PIK3C2B: variants seen among roughly 807,000 people sequenced by gnomAD.
The protein encoded by PIK3C2B is phosphatidylinositol 4-phosphate 3-kinase C2 domain-containing subunit beta.
Under a neutral mutation model 184.3 loss-of-function variants are expected in PIK3C2B, and 83 were observed. The ratio of observed to expected loss-of-function variants is 0.45; its 90% CI spans 0.38 to 0.54. The LOEUF (loss-of-function observed/expected upper bound fraction) is 0.54, where lower values mean the gene tolerates loss of function less well. PIK3C2B is among the 20% of genes least tolerant of loss of function. The pLI is 0.00. For synonymous variants in PIK3C2B, 779 were observed against 837.6 expected (o/e 0.93, Z 1.21); for missense variants, 1,736 against 2,113.5 (o/e 0.82, Z 3.50).
At chr1:204,487,456 G>A (rs1657685273) in intron 1 of PIK3C2B, among the ~76,000 whole-genome samples, 1 of 152,156 alleles carries the variant, frequency 6.6e-6, no homozygotes, top group South Asian at 2.1e-4. Context: ...TTAGCACAAT[G>A]TTTTACACGA....
At chr1:204,490,321 C>T (rs1657923243) in intron 1 of PIK3C2B, 1 of 172,936 alleles carries the variant, frequency 5.8e-6, no homozygotes, top group Non-Finnish European at 1.2e-5. Flanking sequence ...CTCTGCTCCC[C>T]AAAGCACAAA....
chr1:204,447,708 C>G lies in PIK3C2B; in HGVS notation c.2347-130G>C. The G allele has an allele frequency of 1.6e-6, 1 of 633,946 alleles. No homozygotes were observed. The highest frequency in any genetic ancestry group is 1.9e-5 in the South Asian group (1 of 51,362). 39.3% of individuals were successfully genotyped at this position (633,946 alleles called of 1,614,324 possible). A position where few individuals can be genotyped will look rare whatever the true frequency, so the allele number is the denominator to read the frequency against. ...TTCCCTCAGGTTCTTTGTAAAATAG[C>G]CCTGTTAGACTTGGTGATCTCTAAA... On this transcript the variant is annotated intron_variant, in intron 14 of 32. Coordinates refer to ENST00000684373, the MANE Select transcript of PIK3C2B (RefSeq NM_001377334.1). The surrounding 1 kb of genome is among the most constrained non-coding windows in gnomAD (Gnocchi z 4.1).
intron 12 of PIK3C2B, 43 bp downstream of exon 12, chr1:204,454,626 G>A (rs758170382): frequency 6.2e-7 from 1 of 1,607,776 alleles, no homozygotes; most frequent in Admixed American, 1.7e-5. Context: ...GGCTGAGCAG[G>A]TCTACAGTGG....
intron 8 of PIK3C2B, among the ~76,000 whole-genome samples, chr1:204,458,918 G>A (rs535056536): frequency 1.1e-4 from 16 of 152,360 alleles, no homozygotes; most frequent in Non-Finnish European, 1.6e-4. Flanking sequence ...ACAGGCTGCT[G>A]GAGAAGGGAT....
intron 9 of PIK3C2B, 127 bp from the exon 10 acceptor site, chr1:204,457,197 T>G: frequency 1.4e-6 from 1 of 731,652 alleles, no homozygotes; most frequent in Non-Finnish European, 2.3e-6. Context: ...TAGCTGAGAA[T>G]CCCCAGAGAG....
In PIK3C2B at chr1:204,463,498, G is replaced by A. The variant is rs80192180; in HGVS notation, c.1310+514C>T. On this transcript the variant is annotated intron_variant, in intron 5 of 32. Transcript: ENST00000684373. The stretch of plus-strand genomic sequence containing the variant: ...CTGGATGGAGAGGAGCTGGAGGCAC[G>A]CCTTTGGGAGGAGGATAACTAGCTG... 2.5e-3 allele frequency among the ~76,000 whole-genome samples: 386 copies of A among 152,238 alleles called. 3 individuals carry two copies. Among genetic ancestry groups the A allele is most frequent in the African/African-American group, 8.9e-3 (371 of 41,534 alleles).
chr1:204,488,277 G>A (rs1312619573), intron 1 of PIK3C2B, among the ~76,000 whole-genome samples: 2 of 152,322 alleles, frequency 1.3e-5, no homozygotes, highest in East Asian at 1.9e-4. Flanking sequence ...AGGCACTGAA[G>A]ATGTTTTTGC....
In PIK3C2B at chr1:204,447,572, A is replaced by G; in HGVS notation, c.2353T>C (p.Phe785Leu). 1 of 1,607,234 alleles carries G rather than the reference A, an allele frequency of 6.2e-7. No individual in the cohort carries two copies. Among genetic ancestry groups the G allele is most frequent in the East Asian group, 2.2e-5 (1 of 44,842 alleles). ...TTGATGTCAAAGGCCGAGGTGGGGA[A>G]GTCAATCTGGGGGATGAGATCAGGG... ...QPDSVILQID[F>L]PTSAFDIKFT... Residue 785 changes from phenylalanine to leucine, a missense_variant, in exon 15 of 33, where the codon TTC (phenylalanine) becomes CTC (leucine). Phe to Leu is a conservative substitution (Grantham distance 22). Around this residue, in one of 8 missense-constraint regions of PIK3C2B, gnomAD observed 609 missense variants for 699.2 expected, o/e 0.87. Transcript: ENST00000684373. The surrounding 1 kb of genome is among the most constrained non-coding windows in gnomAD (Gnocchi z 4.1).
chr1:204,424,939 C>T lies in PIK3C2B; in HGVS notation c.4818G>A (p.Glu1606=). The change falls in exon 33 of 33, where the codon GAG becomes GAA. Residue 1606 remains glutamate, a synonymous_variant. Coordinates refer to ENST00000684373, the MANE Select transcript of PIK3C2B (RefSeq NM_001377334.1). The stretch of plus-strand genomic sequence containing the variant: ...CCAGCTCTCGCAGGCGGATGTTCAC[C>T]TCACCGAGGAGGACGTTCTCCCAGA... ...QGFWENVLLG[E]VNIRLRELDL... The T allele has an allele frequency of 6.2e-7, 1 of 1,614,250 alleles. No individual in the cohort carries two copies. The highest frequency in any genetic ancestry group is 8.5e-7 in the Non-Finnish European group (1 of 1,180,040).
chr1:204,480,011 A>C (rs1189882285), intron 1 of PIK3C2B, among the ~76,000 whole-genome samples: 1 of 152,146 alleles, frequency 6.6e-6, no homozygotes, highest in Non-Finnish European at 1.5e-5. Context: ...GGTCTTCTGC[A>C]CTGGGCTCGG....
At chr1:204,485,396 T>C (rs570331116) in intron 1 of PIK3C2B, among the ~76,000 whole-genome samples, 1 of 150,966 alleles carries the variant, frequency 6.6e-6, no homozygotes, top group South Asian at 2.1e-4. Context: ...TGATTATTCT[T>C]TTACCTGAAA....
chr1:204,463,244 G>A (rs942392687), intron 5 of PIK3C2B, among the ~76,000 whole-genome samples: 3 of 152,134 alleles, frequency 2.0e-5, no homozygotes, highest in South Asian at 2.1e-4. Flanking sequence ...TTCCCAAAAC[G>A]TGCTTCCTCC....
Position 204,469,915 on chromosome 1 carries a change from A to G in PIK3C2B, c.-84-29T>C, listed in dbSNP as rs554056419. Reference sequence around the variant, plus strand: ...CAGGTGAGGGGTAAAAATATCAATCAGTCACAAAGAGAGATTTACTAATCA... The same window carrying G: ...CAGGTGAGGGGTAAAAATATCAATCGGTCACAAAGAGAGATTTACTAATCA... On this transcript the variant is annotated intron_variant, in intron 1 of 32. Transcript: ENST00000684373. 1.4e-5 allele frequency: 9 copies of G among 647,456 alleles called. 1 individual carries two copies. The highest frequency in any genetic ancestry group is 1.3e-4 in the South Asian group (7 of 52,960). 40.1% of individuals were successfully genotyped at this position (647,456 alleles called of 1,614,324 possible).
chr1:204,450,580 G>C (rs1011516872), intron 12 of PIK3C2B, among the ~76,000 whole-genome samples: 2 of 152,028 alleles, frequency 1.3e-5, no homozygotes, highest in African/African-American at 4.8e-5. Flanking sequence ...CACACACTGG[G>C]TTTTTCTCAC....
chr1:204,448,977 C>T (rs1307190116), intron 14 of PIK3C2B, among the ~76,000 whole-genome samples: 3 of 152,190 alleles, frequency 2.0e-5, no homozygotes, highest in African/African-American at 7.2e-5. Flanking sequence ...TCAATTTAAC[C>T]TCCAGGAGAT....
chr1:204,465,894 G>C (rs959214658), intron 2 of PIK3C2B, among the ~76,000 whole-genome samples: 1 of 152,218 alleles, frequency 6.6e-6, no homozygotes, highest in African/African-American at 2.4e-5. Flanking sequence ...GGAAGAAAGC[G>C]TCAAAGCAGT....
chr1:204,427,535 C>T, intron 31 of PIK3C2B, 113 bp downstream of exon 31: 1 of 713,160 alleles, frequency 1.4e-6, no homozygotes, highest in Non-Finnish European at 2.5e-6. Context: ...ATGGTGGATG[C>T]TCAGTAGACT....
rs909031149 is a variant in PIK3C2B at position 204,433,500 on chromosome 1, A to C, written c.3844-75T>G. The C allele has an allele frequency of 8.1e-6, 8 of 984,568 alleles. No individual in the cohort carries two copies. Among genetic ancestry groups the C allele is most frequent in the Non-Finnish European group, 1.1e-5 (7 of 621,378 alleles). The allele number at this position is 984,568 out of a possible 1,614,324, so 61.0% of individuals were successfully genotyped here. ...TCTTGCTGCTTCTCTACCCTTAGGCAAGGTTTTCTACAGCTAGGCTCCCTA... is the reference window on the plus strand; with the variant it reads ...TCTTGCTGCTTCTCTACCCTTAGGCCAGGTTTTCTACAGCTAGGCTCCCTA... On this transcript the variant is annotated intron_variant, in intron 25 of 32. Coordinates refer to ENST00000684373, the MANE Select transcript of PIK3C2B (RefSeq NM_001377334.1). This position sits in a 1 kb window ranked among gnomAD's most constrained non-coding sequence, Gnocchi z 5.0.
At position 204,443,457 on chromosome 1, in the gene PIK3C2B, A is replaced by G; in HGVS notation, c.3008T>C (p.Leu1003Pro). 1 of 1,614,200 alleles carries G rather than the reference A, an allele frequency of 6.2e-7. No homozygotes were observed. Among genetic ancestry groups the G allele is most frequent in the Non-Finnish European group, 8.5e-7 (1 of 1,180,042 alleles). Residue 1003 changes from leucine to proline, a missense_variant, in exon 19 of 33, where the codon CTG becomes CCG. This residue lies in a region of PIK3C2B where 289 missense variants were observed against 380.4 expected (regional missense o/e 0.76). Transcript: ENST00000684373. ...QCWLVNALAK[L>P]AQQVREAAPS... ...GGCTGCCTCCCGGACCTGCTGGGCC[A>G]GTTTGGCCAGGGCATTGACAAGCCA...
Sources: allele counts gnomAD v4.1 joint callset (sites outside exome capture counted in the v4.1 genomes callset), GRCh38; gene constraint gnomAD v4.1.1; regional missense constraint gnomAD v4.1.1; non-coding constraint Gnocchi (gnomAD v3.1); transcripts MANE v1.5; gene names NCBI Gene and HGNC (gene_info 2026-07-23, HGNC 2026-07-21).